Variants in PARPBP observed in about 807,000 individuals in gnomAD.
The protein encoded by PARPBP is PARP1 binding protein.
A neutral mutation model predicts 50.0 loss-of-function variants in PARPBP; 52 were observed. The ratio of observed to expected loss-of-function variants is 1.04; its 90% CI spans 0.83 to 1.31. The LOEUF (loss-of-function observed/expected upper bound fraction) is 1.31. Among genes scored for constraint, PARPBP ranks in the 50% most tolerant of loss-of-function variants. PARPBP has a pLI of 0.00. For missense variants in PARPBP, 697 were observed against 672.0 expected (o/e 1.04, Z -0.41); for synonymous variants, 244 against 232.1 (o/e 1.05, Z -0.47).
chr12:102,122,787 T>C (rs768722602), intron 1 of PARPBP, among the ~76,000 whole-genome samples: 2 of 152,208 alleles, frequency 1.3e-5, no homozygotes, highest in Non-Finnish European at 2.9e-5. Flanking sequence ...ACGTGGAGGT[T>C]ATTAGGTAAA....
intron 9 of PARPBP, among the ~76,000 whole-genome samples, chr12:102,190,572 C>G (rs1890702294): frequency 1.3e-5 from 2 of 152,072 alleles, no homozygotes; most frequent in African/African-American, 4.8e-5. Flanking sequence ...GCTCTTGAGG[C>G]TAAAGGAAGA....
rs754850490 is a variant in PARPBP at position 102,196,924 on chromosome 12, G to C, written c.*633G>C. ...CAAATTCACTTTAACTCAGAGTTCT[G>C]TTTAATGGTGGTAGGATGTAAGAAT... On this transcript the variant is annotated 3_prime_UTR_variant, in exon 11 of 11. Coordinates refer to ENST00000327680, the MANE Select transcript of PARPBP (RefSeq NM_017915.5). The C allele has an allele frequency of 6.8e-7, 1 of 1,461,296 alleles. No homozygotes were observed. The highest frequency in any genetic ancestry group is 9.6e-7 in the Non-Finnish European group (1 of 1,046,382). 90.5% of individuals were successfully genotyped at this position (1,461,296 alleles called of 1,614,324 possible). A position where few individuals can be genotyped will look rare whatever the true frequency, so the allele number is the denominator to read the frequency against.
At chr12:102,131,609 A>T (rs1194155899) in intron 2 of PARPBP, among the ~76,000 whole-genome samples, 1 of 152,218 alleles carries the variant, frequency 6.6e-6, no homozygotes, top group Admixed American at 6.5e-5. Flanking sequence ...TTAATGATAG[A>T]CTGGATAAAG....
chr12:102,169,583 T>G (rs1229901589), intron 6 of PARPBP, among the ~76,000 whole-genome samples: 2 of 152,206 alleles, frequency 1.3e-5, no homozygotes, highest in African/African-American at 4.8e-5. Context: ...CATCTCTTCC[T>G]ATAGCTACTA....
chr12:102,165,686 A>C lies in PARPBP; in HGVS notation c.667-43A>C, dbSNP rs1888066679. Reference sequence around the variant, plus strand: ...GCTTTATGAAGTAAATTACAGTTTAATAAATCACTGGACATAACTTATCCG... The same window carrying C: ...GCTTTATGAAGTAAATTACAGTTTACTAAATCACTGGACATAACTTATCCG... On this transcript the variant is annotated intron_variant, in intron 5 of 10. Transcript: ENST00000327680. 3.4e-6 allele frequency: 5 copies of C among 1,475,756 alleles called. No homozygotes were observed. The East Asian group carries it at 9.1e-5, about 27-fold the overall frequency. The allele number at this position is 1,475,756 out of a possible 1,614,324, so 91.4% of individuals were successfully genotyped here.
chr12:102,173,960 GC>G (rs1161457118), intron 6 of PARPBP, among the ~76,000 whole-genome samples: 1 of 147,410 alleles, frequency 6.8e-6, no homozygotes, highest in East Asian at 2.0e-4. Flanking sequence ...CTTTTGTATT[GC>G]AAATAATAAT....
chr12:102,193,504 A>C (rs1890995471), intron 9 of PARPBP, among the ~76,000 whole-genome samples: 1 of 151,966 alleles, frequency 6.6e-6, no homozygotes, highest in Non-Finnish European at 1.5e-5. Context: ...TGGTCTTACT[A>C]TACTCTTTAT....
At chr12:102,162,170 TA>T (rs1887671829) in intron 4 of PARPBP, among the ~76,000 whole-genome samples, 1 of 152,226 alleles carries the variant, frequency 6.6e-6, no homozygotes, top group South Asian at 2.1e-4. Flanking sequence ...TAAGGATTTG[TA>T]ATTTTTTATT....
At chr12:102,159,828 A>C (rs893950954) in intron 4 of PARPBP, among the ~76,000 whole-genome samples, 26 of 152,224 alleles carry the variant, frequency 1.7e-4, no homozygotes, top group African/African-American at 6.0e-4. Context: ...CAGCTTAGAA[A>C]AACTGACTTT....
At chr12:102,158,358 A>G (rs1248088484) in intron 4 of PARPBP, among the ~76,000 whole-genome samples, 10 of 151,990 alleles carry the variant, frequency 6.6e-5, no homozygotes, top group Admixed American at 1.3e-4. Context: ...TTGTGTGTCT[A>G]TTGTTTGGAT....
At chr12:102,124,533 G>C (rs1230283016) in intron 2 of PARPBP, among the ~76,000 whole-genome samples, 1 of 152,160 alleles carries the variant, frequency 6.6e-6, no homozygotes, top group Non-Finnish European at 1.5e-5. Flanking sequence ...AGGGTTAGAG[G>C]TGTTCAGATG....
At chr12:102,121,254 G>C (rs1881021014) in intron 1 of PARPBP, among the ~76,000 whole-genome samples, 1 of 152,164 alleles carries the variant, frequency 6.6e-6, no homozygotes. Context: ...GCCAGCTCCT[G>C]AGCTAAGAAG....
intron 8 of PARPBP, among the ~76,000 whole-genome samples, chr12:102,180,935 C>T (rs1889762663): frequency 6.6e-6 from 1 of 152,090 alleles, no homozygotes; most frequent in African/African-American, 2.4e-5. Context: ...ATCTTTTATT[C>T]TTGCTTAGTA....
At chr12:102,135,219 A>G (rs575612310) in intron 2 of PARPBP, among the ~76,000 whole-genome samples, 2 of 152,254 alleles carry the variant, frequency 1.3e-5, no homozygotes, top group South Asian at 4.2e-4. Flanking sequence ...AGAGTTGAAC[A>G]CTTACATACT....
chr12:102,145,474 G>A (rs542875236), intron 2 of PARPBP, among the ~76,000 whole-genome samples: 1 of 152,062 alleles, frequency 6.6e-6, no homozygotes, highest in Non-Finnish European at 1.5e-5. Flanking sequence ...CTTTTGGAAG[G>A]CATCATTATT....
chr12:102,181,389 A>G lies in PARPBP; in HGVS notation c.1185-1160A>G, dbSNP rs118133603. On this transcript the variant is annotated intron_variant, in intron 8 of 10. Coordinates refer to ENST00000327680, the MANE Select transcript of PARPBP (RefSeq NM_017915.5). The stretch of plus-strand genomic sequence containing the variant: ...ATTCTGATAAAGGCATCGTTAGGCA[A>G]TTTTGTCATGTGAACATTATAGAGT... Among the ~76,000 whole-genome samples, 370 of 152,284 alleles carry G rather than the reference A, an allele frequency of 2.4e-3. 14 individuals are homozygous for G. The East Asian group carries it at 0.062, about 25-fold the overall frequency.
At chr12:102,169,151 G>A (rs979615544) in intron 6 of PARPBP, among the ~76,000 whole-genome samples, 7 of 152,098 alleles carry the variant, frequency 4.6e-5, no homozygotes, top group African/African-American at 1.7e-4. Flanking sequence ...TATTCTGCCA[G>A]TGGTCACTTG....
At chr12:102,176,921 C>T (rs1889344628) in intron 7 of PARPBP, among the ~76,000 whole-genome samples, 1 of 152,126 alleles carries the variant, frequency 6.6e-6, no homozygotes, top group African/African-American at 2.4e-5. Flanking sequence ...CAGGTTATTA[C>T]TATAAGTATC....
rs1156453567 is a variant in PARPBP, at chr12:102,196,616, ATTT to A, written c.*327_*329del. 5 of 1,527,882 alleles carry A rather than the reference ATTT, an allele frequency of 3.3e-6. No homozygotes were observed. In the African/African-American group the frequency reaches 4.1e-5, roughly 13 times the overall value. The allele number at this position is 1,527,882 out of a possible 1,614,324, so 94.6% of individuals were successfully genotyped here. On this transcript the variant is annotated 3_prime_UTR_variant, in exon 11 of 11. Coordinates refer to ENST00000327680, the MANE Select transcript of PARPBP (RefSeq NM_017915.5). ...CTCCCATTGGCAATTAAATGCTTTTATTTTCTTCTGAAAAGATGATGTGGACCA... is the reference window on the plus strand; with the variant it reads ...CTCCCATTGGCAATTAAATGCTTTTATCTTCTGAAAAGATGATGTGGACCA...
Sources: gnomAD v4.1 joint callset for allele counts (sites outside exome capture counted in the v4.1 genomes callset) on GRCh38, gnomAD v4.1.1 for gene constraint, MANE v1.5 for transcripts, NCBI Gene and HGNC (gene_info 2026-07-23, HGNC 2026-07-21) for gene names.